KCNMB2: variants seen among roughly 807,000 people sequenced by gnomAD.
The protein encoded by KCNMB2 is calcium-activated potassium channel subunit beta-2.
A neutral mutation model predicts 24.5 loss-of-function variants in KCNMB2; 9 were observed. The observed-to-expected ratio is 0.37, with a 90% CI of 0.22 to 0.64. KCNMB2 has a LOEUF of 0.64. KCNMB2 is among the 30% of genes least tolerant of loss of function. The pLI, the probability that KCNMB2 is intolerant of heterozygous loss-of-function variation, is 0.63. For missense variants in KCNMB2, 226 were observed against 284.3 expected (o/e 0.79, Z 1.47); for synonymous variants, 109 against 104.4 (o/e 1.04, Z -0.27).
chr3:178,587,602 GTT>G (rs1471367002), intron 1 of KCNMB2, among the ~76,000 whole-genome samples: 1 of 143,268 alleles, frequency 7.0e-6, no homozygotes, highest in Non-Finnish European at 1.5e-5. Context: ...TTTTTGGGTG[GTT>G]TTTTTTTTTT....
At chr3:178,710,448 GC>G (rs1722415220) in intron 1 of KCNMB2, among the ~76,000 whole-genome samples, 2 of 152,176 alleles carry the variant, frequency 1.3e-5, no homozygotes, top group South Asian at 4.1e-4. Flanking sequence ...ATTCTCAGGT[GC>G]CTTATTCCAA....
intron 4 of KCNMB2, among the ~76,000 whole-genome samples, chr3:178,834,396 A>G (rs939086235): frequency 6.6e-6 from 1 of 152,188 alleles, no homozygotes; most frequent in African/African-American, 2.4e-5. Flanking sequence ...TCCCCTTGAG[A>G]GAATAAAGAC....
chr3:178,788,138 T>G (rs1713181848), intron 1 of KCNMB2, among the ~76,000 whole-genome samples: 3 of 152,178 alleles, frequency 2.0e-5, no homozygotes, highest in Admixed American at 2.0e-4. Context: ...AAAGGGTGGT[T>G]TCAACATAAA....
At chr3:178,828,937 G>A (rs1577220598) in intron 4 of KCNMB2, among the ~76,000 whole-genome samples, 1 of 86,416 alleles carries the variant, frequency 1.2e-5, no homozygotes, top group Non-Finnish European at 2.8e-5. Flanking sequence ...GTGTGTGTGT[G>A]TGTGTGTGTG....
chr3:178,809,009 C>G (rs1255340303), intron 2 of KCNMB2, among the ~76,000 whole-genome samples: 4 of 152,170 alleles, frequency 2.6e-5, no homozygotes, highest in Non-Finnish European at 5.9e-5. Flanking sequence ...ATTTACTTTA[C>G]TTGATCATCT....
intron 1 of KCNMB2, among the ~76,000 whole-genome samples, chr3:178,768,237 CCT>C (rs1712204525): frequency 6.6e-6 from 1 of 152,110 alleles, no homozygotes; most frequent in South Asian, 2.1e-4. Flanking sequence ...TCGGTTTTCC[CCT>C]GATTCCCTAT....
At chr3:178,693,738 T>C (rs1322139306) in intron 1 of KCNMB2, among the ~76,000 whole-genome samples, 1 of 152,158 alleles carries the variant, frequency 6.6e-6, no homozygotes, top group African/African-American at 2.4e-5. Context: ...GGATTTGGTA[T>C]AAGGATGATG....
chr3:178,825,302 T>A (rs1046104795), intron 2 of KCNMB2, among the ~76,000 whole-genome samples: 11 of 152,290 alleles, frequency 7.2e-5, no homozygotes, highest in African/African-American at 2.4e-4. Context: ...TTCTTTAGAA[T>A]TAGATAGAAG....
intron 4 of KCNMB2, among the ~76,000 whole-genome samples, chr3:178,829,104 G>C (rs186537295): frequency 1.2e-3 from 183 of 152,196 alleles, no homozygotes; most frequent in African/African-American, 4.3e-3. Flanking sequence ...TATAAGGTCT[G>C]GGATGACCAG....
At chr3:178,660,499 A>G (rs770252848) in intron 1 of KCNMB2, among the ~76,000 whole-genome samples, 4 of 152,144 alleles carry the variant, frequency 2.6e-5, no homozygotes, top group Non-Finnish European at 5.9e-5. Flanking sequence ...CTTGACCCTG[A>G]GCATCACAAT....
At chr3:178,715,880 G>A (rs1577120412) in intron 1 of KCNMB2, among the ~76,000 whole-genome samples, 1 of 152,190 alleles carries the variant, frequency 6.6e-6, no homozygotes, top group African/African-American at 2.4e-5. Context: ...GAGAACAGAA[G>A]TCAACTTTTC....
At chr3:178,646,054 T>C (rs919762887) in intron 1 of KCNMB2, among the ~76,000 whole-genome samples, 5 of 152,214 alleles carry the variant, frequency 3.3e-5, no homozygotes, top group Admixed American at 1.3e-4. Flanking sequence ...CCTGCATCCA[T>C]GGTTATCAAG....
chr3:178,669,538 T>G (rs116778592), intron 1 of KCNMB2, among the ~76,000 whole-genome samples: 356 of 152,218 alleles, frequency 2.3e-3, no homozygotes, highest in African/African-American at 7.9e-3. Context: ...CACCAAGTGT[T>G]GCTTGAAGCC....
intron 1 of KCNMB2, among the ~76,000 whole-genome samples, chr3:178,561,917 A>G (rs1427243243): frequency 6.6e-6 from 1 of 152,210 alleles, no homozygotes; most frequent in Non-Finnish European, 1.5e-5. Flanking sequence ...AATCTGAGCC[A>G]TTTTCTAGAA....
chr3:178,705,344 G>T (rs1722242503), intron 1 of KCNMB2, among the ~76,000 whole-genome samples: 1 of 152,102 alleles, frequency 6.6e-6, no homozygotes. Context: ...TGAAAACCAT[G>T]CTGCCACTGT....
At chr3:178,812,793 C>T (rs1161666308) in intron 2 of KCNMB2, among the ~76,000 whole-genome samples, 1 of 152,038 alleles carries the variant, frequency 6.6e-6, no homozygotes, top group African/African-American at 2.4e-5. Flanking sequence ...TCTGTTCTAG[C>T]GGCCAGTTTT....
intron 1 of KCNMB2, among the ~76,000 whole-genome samples, chr3:178,779,090 C>T (rs889881967): frequency 6.6e-6 from 1 of 152,176 alleles, no homozygotes; most frequent in Non-Finnish European, 1.5e-5. Context: ...AGGACCAACT[C>T]CTCCCAGACC....
intron 1 of KCNMB2, among the ~76,000 whole-genome samples, chr3:178,771,304 C>T (rs1053212735): frequency 2.0e-5 from 3 of 151,936 alleles, no homozygotes; most frequent in Non-Finnish European, 4.4e-5. Context: ...AGGGCTCAAC[C>T]TGTCAGCCAG....
chr3:178,765,184 G>A (rs1041828790), intron 1 of KCNMB2, among the ~76,000 whole-genome samples: 1 of 152,146 alleles, frequency 6.6e-6, no homozygotes, highest in African/African-American at 2.4e-5. Flanking sequence ...AGTAGTCATC[G>A]CAGCATTTGA....
Sources: allele counts gnomAD v4.1 joint callset (sites outside exome capture counted in the v4.1 genomes callset), GRCh38; gene constraint gnomAD v4.1.1; transcripts MANE v1.5; gene names NCBI Gene and HGNC (gene_info 2026-07-23, HGNC 2026-07-21).